Variants in TRAPPC8 observed in about 807,000 individuals in gnomAD.
TRAPPC8 encodes the protein trafficking protein particle complex subunit 8.
TRAPPC8 carries 54 observed loss-of-function variants against 174.3 expected under a neutral mutation model. The observed-to-expected ratio is 0.31, with a 90% CI of 0.25 to 0.39. The LOEUF is 0.39. Ranked by LOEUF, TRAPPC8 falls within the 10% of genes least tolerant of loss-of-function variation. The pLI is 1.00. For synonymous variants in TRAPPC8, 630 were observed against 579.9 expected, an observed-to-expected ratio of 1.09 and a Z score of -1.24; for missense variants, 1,531 against 1,699.1, an observed-to-expected ratio of 0.90 and a Z score of 1.74.
intron 1 of TRAPPC8, among the ~76,000 whole-genome samples, chr18:31,941,402 C>T (rs551677727): frequency 6.6e-6 from 1 of 152,228 alleles, no homozygotes; most frequent in South Asian, 2.1e-4. Context: ...GAGATCGCGC[C>T]ACTGCACTCC....
At chr18:31,916,248 T>G in intron 4 of TRAPPC8, 24 bp downstream of exon 4, 1 of 1,442,536 alleles carries the variant, frequency 6.9e-7, no homozygotes, top group South Asian at 1.6e-5. Flanking sequence ...CTGGAAAAAA[T>G]TTAAAACTAA....
rs2037840193 is a variant in TRAPPC8 at position 31,931,409 on chromosome 18, T to A, written c.272A>T (p.Asp91Val). The A allele has an allele frequency of 1.9e-6, 3 of 1,612,832 alleles. No homozygotes were observed. Among genetic ancestry groups the A allele is most frequent in the Admixed American group, 1.7e-5 (1 of 59,930 alleles). The change falls in exon 2 of 29, where the codon GAT (aspartate) becomes GTT (valine). Residue 91 changes from aspartate (D) to valine (V), a missense_variant. Physicochemically the swap from Asp to Val is radical, Grantham distance 152. Transcript: ENST00000283351. Reference protein sequence around the residue: ...QPGAIRKLLNDVVSGSQPAEG... With the variant: ...QPGAIRKLLNVVVSGSQPAEG... ...TGCAGGCTGACTGCCAGAAACAACA[T>A]CATTCAAAAGCTTCCGGATGGCTCC... is the stretch of plus-strand genomic sequence containing the variant.
At chr18:31,838,155 T>C (rs1369761214) in intron 27 of TRAPPC8, among the ~76,000 whole-genome samples, 2 of 152,096 alleles carry the variant, frequency 1.3e-5, no homozygotes, top group East Asian at 3.9e-4. Flanking sequence ...TTTTAAAATA[T>C]TTTTTCTCTT....
intron 12 of TRAPPC8, among the ~76,000 whole-genome samples, chr18:31,881,817 A>G (rs1435100576): frequency 1.3e-5 from 2 of 152,228 alleles, no homozygotes; most frequent in African/African-American, 4.8e-5. Flanking sequence ...CCCATTAAAA[A>G]ATGGGCAAAG....
intron 27 of TRAPPC8, among the ~76,000 whole-genome samples, chr18:31,832,774 C>T (rs980774400): frequency 2.6e-5 from 4 of 151,888 alleles, no homozygotes; most frequent in Non-Finnish European, 4.4e-5. Context: ...AGAGGACATG[C>T]GAATAGAGTG....
At chr18:31,851,668 T>A (rs2033710172) in intron 24 of TRAPPC8, among the ~76,000 whole-genome samples, 1 of 152,076 alleles carries the variant, frequency 6.6e-6, no homozygotes, top group African/African-American at 2.4e-5. Flanking sequence ...TCTACGTAAC[T>A]CTTATACATA....
At chr18:31,919,309 G>T (rs1001718015) in intron 2 of TRAPPC8, among the ~76,000 whole-genome samples, 6 of 152,036 alleles carry the variant, frequency 3.9e-5, no homozygotes, top group African/African-American at 9.7e-5. Context: ...AAGGCAGGCG[G>T]ATCACTTAAG....
At chr18:31,841,079 T>C (rs1463486877) in intron 26 of TRAPPC8, among the ~76,000 whole-genome samples, 1 of 152,094 alleles carries the variant, frequency 6.6e-6, no homozygotes, top group Non-Finnish European at 1.5e-5. Flanking sequence ...GATATACAAA[T>C]GTATGAAAAT....
At chr18:31,877,483 G>A (rs2035213445) in intron 12 of TRAPPC8, among the ~76,000 whole-genome samples, 2 of 151,794 alleles carry the variant, frequency 1.3e-5, no homozygotes, top group African/African-American at 4.8e-5. Flanking sequence ...GAGGTGGCGG[G>A]CGCCTGTAGT....
chr18:31,941,315 T>A (rs2144338935), intron 1 of TRAPPC8, among the ~76,000 whole-genome samples: 1 of 152,306 alleles, frequency 6.6e-6, no homozygotes, highest in East Asian at 1.9e-4. Flanking sequence ...TGGTGGCGCA[T>A]GCCTGTAATC....
At chr18:31,885,165 GT>G (rs1340309640) in intron 12 of TRAPPC8, among the ~76,000 whole-genome samples, 1 of 152,012 alleles carries the variant, frequency 6.6e-6, no homozygotes, top group Non-Finnish European at 1.5e-5. Context: ...CCAAAATTAA[GT>G]TTTTTTAAAA....
intron 9 of TRAPPC8, among the ~76,000 whole-genome samples, chr18:31,905,335 C>A (rs2036612486): frequency 1.3e-5 from 2 of 152,136 alleles, no homozygotes; most frequent in African/African-American, 4.8e-5. Flanking sequence ...CTGAGCTCAG[C>A]TGCTGCACAG....
chr18:31,901,645 C>T (rs1372771409), intron 9 of TRAPPC8, among the ~76,000 whole-genome samples: 1 of 152,142 alleles, frequency 6.6e-6, no homozygotes, highest in Non-Finnish European at 1.5e-5. Context: ...GGTGTCCAGA[C>T]AATTACGAAA....
intron 21 of TRAPPC8, among the ~76,000 whole-genome samples, chr18:31,855,314 T>C (rs1208678143): frequency 5.3e-5 from 8 of 152,248 alleles, no homozygotes; most frequent in Admixed American, 5.2e-4. Context: ...AAGTTAATAT[T>C]GAATGTGATA....
rs1337857735 is a variant in TRAPPC8 at position 31,901,140 on chromosome 18, G to A, written c.1390-115C>T. The A allele has an allele frequency of 5.0e-6, 4 of 798,546 alleles. No individual in the cohort carries two copies. The East Asian group carries it at 8.9e-5, about 18-fold the overall frequency. The allele number at this position is 798,546 out of a possible 1,614,324, so 49.5% of individuals were successfully genotyped here. A position where few individuals can be genotyped will look rare whatever the true frequency, so the allele number is the denominator to read the frequency against. On this transcript the variant is annotated intron_variant, in intron 9 of 28. Transcript: ENST00000283351. ...GTTTTTTTTTTAACTGGATACACATGTATAAACTTCATAGCCTAATGCAGA... is the reference window on the plus strand; with the variant it reads ...GTTTTTTTTTTAACTGGATACACATATATAAACTTCATAGCCTAATGCAGA...
Position 31,911,756 on chromosome 18 carries a change from CAAAAAAAAAAA to C in TRAPPC8, c.771+1602_771+1612del, listed in dbSNP as rs71177805. ...TGGGCGATAGAGTAAGACTCCGTCT[CAAAAAAAAAAA>C]AAAAAAAAAAAAAGAATTTCTTCTA... On this transcript the variant is annotated intron_variant, in intron 5 of 28. Transcript: ENST00000283351. Among the ~76,000 whole-genome samples the C allele has an allele frequency of 1.9e-4, 12 of 62,956 alleles. No individual in the cohort carries two copies. The East Asian group carries it at 2.6e-3, about 14-fold the overall frequency. 41.3% of individuals were successfully genotyped at this position (62,956 alleles called of 152,430 possible).
chr18:31,873,149 A>C (rs7237879), intron 14 of TRAPPC8, among the ~76,000 whole-genome samples: 53,832 of 149,426 alleles, frequency 0.36, 10,115 homozygotes, highest in South Asian at 0.57. Context: ...TCTTGAGTTG[A>C]TGGGACTACA....
chr18:31,926,170 G>A (rs371447892), intron 2 of TRAPPC8, among the ~76,000 whole-genome samples: 5 of 151,868 alleles, frequency 3.3e-5, no homozygotes, highest in African/African-American at 7.3e-5. Context: ...CCTTTCCCCC[G>A]ATTAAAGTAT....
chr18:31,840,607 T>A (rs1298027053), intron 26 of TRAPPC8, among the ~76,000 whole-genome samples: 3 of 152,260 alleles, frequency 2.0e-5, no homozygotes, highest in Admixed American at 1.3e-4. Flanking sequence ...CCAGCCTGCA[T>A]CCTGTTTTTG....
Sources: allele counts gnomAD v4.1 joint callset (sites outside exome capture counted in the v4.1 genomes callset), GRCh38; gene constraint gnomAD v4.1.1; transcripts MANE v1.5; gene names NCBI Gene and HGNC (gene_info 2026-07-23, HGNC 2026-07-21).